Variants in PRKAR2B observed in about 807,000 individuals in gnomAD.
The protein encoded by PRKAR2B is cAMP-dependent protein kinase type II-beta regulatory subunit.
In PRKAR2B, 14 loss-of-function variants were observed where a neutral mutation model predicts 49.9. The observed-to-expected ratio is 0.28, with a 90% confidence interval of 0.19 to 0.44. PRKAR2B has a LOEUF of 0.44. PRKAR2B is among the 20% of genes least tolerant of loss of function. PRKAR2B has a pLI of 1.00. For missense variants in PRKAR2B, 393 were observed against 537.9 expected (o/e 0.73, Z 2.67); for synonymous variants, 196 against 197.7 (o/e 0.99, Z 0.07).
At chr7:107,048,524 C>A (rs961743470) in intron 1 of PRKAR2B, among the ~76,000 whole-genome samples, 1 of 152,126 alleles carries the variant, frequency 6.6e-6, no homozygotes, top group Non-Finnish European at 1.5e-5. Flanking sequence ...TTTGACCATG[C>A]AACTTGTGCC....
chr7:107,088,917 A>G (rs1229314308), intron 2 of PRKAR2B, among the ~76,000 whole-genome samples: 1 of 151,826 alleles, frequency 6.6e-6, no homozygotes, highest in East Asian at 1.9e-4. Context: ...GGTTTTAATA[A>G]TCATATTTTG....
At chr7:107,078,542 C>G (rs1029739999) in intron 2 of PRKAR2B, among the ~76,000 whole-genome samples, 1 of 152,180 alleles carries the variant, frequency 6.6e-6, no homozygotes, top group African/African-American at 2.4e-5. Flanking sequence ...TCAGTGCCCA[C>G]ACTAGTATTA....
chr7:107,099,186 C>T (rs1052808835), intron 2 of PRKAR2B, among the ~76,000 whole-genome samples: 4 of 152,204 alleles, frequency 2.6e-5, no homozygotes, highest in African/African-American at 9.6e-5. Context: ...TTCCAGGCTG[C>T]TTTGTTTACC....
rs145096599 is a variant in PRKAR2B at position 107,131,930 on chromosome 7, A to G, written c.480+3635A>G. ...CTTTCATTTTAATTTCTTGACTACT[A>G]TGTTTCAAGACCTGTTTAAAGTGTT... On this transcript the variant is annotated intron_variant, in intron 4 of 10. Coordinates refer to ENST00000265717, the MANE Select transcript of PRKAR2B (RefSeq NM_002736.3). Among the ~76,000 whole-genome samples, 247 of 152,304 alleles carry G rather than the reference A, an allele frequency of 1.6e-3. 2 individuals are homozygous for G. The highest frequency in any genetic ancestry group is 5.7e-3 in the African/African-American group (236 of 41,562).
intron 1 of PRKAR2B, among the ~76,000 whole-genome samples, chr7:107,046,519 A>C (rs1219436353): frequency 6.6e-6 from 1 of 152,232 alleles, no homozygotes; most frequent in Non-Finnish European, 1.5e-5. Flanking sequence ...TGTGAAGATA[A>C]AAGTGAAGCT....
intron 1 of PRKAR2B, among the ~76,000 whole-genome samples, chr7:107,057,634 A>G (rs1159727948): frequency 6.6e-6 from 1 of 152,156 alleles, no homozygotes; most frequent in East Asian, 1.9e-4. Flanking sequence ...TGAATAAGTT[A>G]CGTATTTTAT....
intron 8 of PRKAR2B, among the ~76,000 whole-genome samples, chr7:107,155,883 A>G (rs185437616): frequency 2.6e-5 from 4 of 152,360 alleles, no homozygotes; most frequent in Non-Finnish European, 5.9e-5. Context: ...TAGACTGGAT[A>G]AAGAAAACGT....
chr7:107,099,300 G>T (rs1057395973), intron 2 of PRKAR2B, among the ~76,000 whole-genome samples: 2 of 152,214 alleles, frequency 1.3e-5, no homozygotes, highest in African/African-American at 4.8e-5. Context: ...CTGTGTGGGT[G>T]TTGGACCCTC....
At chr7:107,094,861 A>G (rs186376715) in intron 2 of PRKAR2B, among the ~76,000 whole-genome samples, 42 of 151,948 alleles carry the variant, frequency 2.8e-4, no homozygotes, top group African/African-American at 9.9e-4. Flanking sequence ...TGTTCCATTG[A>G]TCTATATCTG....
chr7:107,153,725 T>A (rs1796029317), intron 8 of PRKAR2B, among the ~76,000 whole-genome samples: 1 of 152,148 alleles, frequency 6.6e-6, no homozygotes, highest in Non-Finnish European at 1.5e-5. Flanking sequence ...CCCTAATACT[T>A]TTCTAAGATC....
intron 2 of PRKAR2B, among the ~76,000 whole-genome samples, chr7:107,112,709 C>G (rs2395835): frequency 0.014 from 2,161 of 151,790 alleles, 49 homozygotes; most frequent in African/African-American, 0.05. Flanking sequence ...ATGCTTATTA[C>G]GTTTTTTACA....
intron 2 of PRKAR2B, among the ~76,000 whole-genome samples, chr7:107,103,720 G>A (rs1412385804): frequency 1.3e-5 from 2 of 152,202 alleles, no homozygotes; most frequent in African/African-American, 4.8e-5. Flanking sequence ...GAGTGGTGGT[G>A]GCCATAGGTT....
rs1437339223 is a variant in PRKAR2B, at chr7:107,053,371, C to T, written c.307+8157C>T. ...AGCAAGTTGTAATTTTCTCCTACATCCCAACATATAGCCTTATACACTGTT... is the reference window on the plus strand; with the variant it reads ...AGCAAGTTGTAATTTTCTCCTACATTCCAACATATAGCCTTATACACTGTT... On this transcript the variant is annotated intron_variant, in intron 1 of 10. Coordinates refer to ENST00000265717, the MANE Select transcript of PRKAR2B (RefSeq NM_002736.3). Among the ~76,000 whole-genome samples, 5 of 152,206 alleles carry T rather than the reference C, an allele frequency of 3.3e-5. 1 individual carries two copies. The East Asian group carries it at 9.6e-4, about 29-fold the overall frequency.
At chr7:107,149,505 A>G (rs1285181036) in intron 6 of PRKAR2B, among the ~76,000 whole-genome samples, 2 of 152,056 alleles carry the variant, frequency 1.3e-5, no homozygotes, top group African/African-American at 4.8e-5. Flanking sequence ...GTGTTCTCAC[A>G]TGGTGGAAGG....
chr7:107,142,603 G>A (rs1431761334), intron 5 of PRKAR2B, among the ~76,000 whole-genome samples: 1 of 152,156 alleles, frequency 6.6e-6, no homozygotes, highest in Non-Finnish European at 1.5e-5. Flanking sequence ...CAGGCCCACA[G>A]AAGTGACAGC....
At chr7:107,117,253 G>A (rs1342005019) in intron 2 of PRKAR2B, among the ~76,000 whole-genome samples, 1 of 151,922 alleles carries the variant, frequency 6.6e-6, no homozygotes, top group African/African-American at 2.4e-5. Flanking sequence ...TTGTAGGAGG[G>A]CGTTTCCCCT....
At chr7:107,115,580 A>G (rs997930566) in intron 2 of PRKAR2B, among the ~76,000 whole-genome samples, 1 of 152,208 alleles carries the variant, frequency 6.6e-6, no homozygotes, top group Non-Finnish European at 1.5e-5. Flanking sequence ...AGACTTTTAA[A>G]TTATGAACTT....
intron 2 of PRKAR2B, among the ~76,000 whole-genome samples, chr7:107,088,385 G>A (rs1242150365): frequency 6.6e-6 from 1 of 152,152 alleles, no homozygotes; most frequent in Admixed American, 6.5e-5. Flanking sequence ...GGCCTGGGAA[G>A]TACAGGGTGG....
intron 2 of PRKAR2B, among the ~76,000 whole-genome samples, chr7:107,088,716 C>T (rs1190468923): frequency 6.6e-6 from 1 of 152,096 alleles, no homozygotes; most frequent in African/African-American, 2.4e-5. Flanking sequence ...CCTCCTGCCT[C>T]AGCCTCTTGA....
Sources: gnomAD v4.1 joint callset for allele counts (sites outside exome capture counted in the v4.1 genomes callset) on GRCh38, gnomAD v4.1.1 for gene constraint, MANE v1.5 for transcripts, NCBI Gene and HGNC (gene_info 2026-07-23, HGNC 2026-07-21) for gene names.